ANXA5: variants seen among roughly 807,000 people sequenced by gnomAD.
ANXA5 encodes CBP-I.
ANXA5 carries 40 observed loss-of-function variants against 48.1 expected under a neutral mutation model. The ratio of observed to expected loss-of-function variants is 0.83; its 90% CI spans 0.65 to 1.08. The LOEUF (loss-of-function observed/expected upper bound fraction) is 1.08. Ranked by LOEUF, ANXA5 falls within the 50% of genes least tolerant of loss-of-function variation. ANXA5 has a pLI of 0.00. For missense variants in ANXA5, 357 were observed against 376.8 expected (o/e 0.95, Z 0.44); for synonymous variants, 113 against 129.1 (o/e 0.88, Z 0.85).
At chr4:121,685,019 A>G (rs1343239349) in intron 3 of ANXA5, among the ~76,000 whole-genome samples, 1 of 140,030 alleles carries the variant, frequency 7.1e-6, no homozygotes, top group Non-Finnish European at 1.5e-5. Context: ...CATCTCTTAG[A>G]AAAAAAAAAA....
In ANXA5 at chr4:121,684,747, G is replaced by C. The variant is rs761869455; in HGVS notation, c.119C>G (p.Thr40Ser). 10 of 1,613,856 alleles carry C rather than the reference G, an allele frequency of 6.2e-6. No homozygotes were observed. Among genetic ancestry groups the C allele is most frequent in the East Asian group, 2.2e-5 (1 of 44,890 alleles). The change falls in exon 4 of 13, where the codon ACT becomes AGT. Residue 40 changes from threonine to serine, a missense_variant. Transcript: ENST00000296511. ...GLGTDEESIL[T>S]LLTSRSNAQR... Reference sequence around the variant, plus strand: ...AGCATTACTTCGGGATGTCAACAGAGTCAGGATGCTCTCCTCATCTGTGCC... The same window carrying C: ...AGCATTACTTCGGGATGTCAACAGACTCAGGATGCTCTCCTCATCTGTGCC...
rs566485727 is a variant in ANXA5, at chr4:121,696,882, T to G, written c.-55A>C. Reference sequence around the variant, plus strand: ...ACTCACCCAGACTGTGGGACCCAAGTGCCCCGAAACCCCGGGAGAGCGGCG... The same window carrying G: ...ACTCACCCAGACTGTGGGACCCAAGGGCCCCGAAACCCCGGGAGAGCGGCG... On this transcript the variant is annotated 5_prime_UTR_variant, in exon 1 of 13. Transcript: ENST00000296511. 223 of 310,972 alleles carry G rather than the reference T, an allele frequency of 7.2e-4. No homozygotes were observed. Among genetic ancestry groups the G allele is most frequent in the Non-Finnish European group, 1.1e-3 (194 of 170,804 alleles). 19.3% of individuals were successfully genotyped at this position (310,972 alleles called of 1,614,324 possible).
At position 121,686,386 on chromosome 4, in the gene ANXA5, C is replaced by T; in HGVS notation, c.10-14G>A. The T allele has an allele frequency of 1.9e-6, 3 of 1,601,140 alleles. No homozygotes were observed. The highest frequency in any genetic ancestry group is 2.6e-6 in the Non-Finnish European group (3 of 1,168,286). ...GCCTCTGAGAACCTAATTCACGAAA[C>T]ACAGTGGTATTATTCATATCATGAC... On this transcript the variant is annotated splice_polypyrimidine_tract_variant and intron_variant, in intron 2 of 12. Transcript: ENST00000296511.
chr4:121,669,280 C>G (rs12510548), intron 12 of ANXA5: 89,647 of 215,942 alleles, frequency 0.42, 21,265 homozygotes, highest in East Asian at 0.71. Context: ...CTAATAAAGA[C>G]AGCTGGAATT....
intron 10 of ANXA5, among the ~76,000 whole-genome samples, 192 bp downstream of exon 10, chr4:121,671,355 A>C (rs1002527436): frequency 6.6e-6 from 1 of 152,216 alleles, no homozygotes; most frequent in African/African-American, 2.4e-5. Flanking sequence ...ATTTAGATGA[A>C]CTAACCAGAC....
Position 121,670,598 on chromosome 4 carries a change from G to A in ANXA5, c.722-586C>T, listed in dbSNP as rs572648882. Among the ~76,000 whole-genome samples the A allele has an allele frequency of 1.5e-3, 227 of 146,972 alleles. 1 individual carries two copies. Among genetic ancestry groups the A allele is most frequent in the Non-Finnish European group, 2.5e-3 (160 of 65,188 alleles). On this transcript the variant is annotated intron_variant, in intron 10 of 12. Transcript: ENST00000296511. The stretch of plus-strand genomic sequence containing the variant: ...GTTGAATGTAGGTTGGGGCTGCTCA[G>A]ACCTCAGTCTGCTTAGCTTCAGAAA...
intron 2 of ANXA5, among the ~76,000 whole-genome samples, chr4:121,692,852 C>T (rs1725009403): frequency 6.6e-6 from 1 of 152,236 alleles, no homozygotes; most frequent in Non-Finnish European, 1.5e-5. Context: ...CCATTGCGCT[C>T]ATGTTTAACA....
chr4:121,681,650 A>C (rs372127456), intron 6 of ANXA5, 21 bp downstream of exon 6: 1 of 1,566,424 alleles, frequency 6.4e-7, no homozygotes, highest in African/African-American at 1.4e-5. Flanking sequence ...TGAAGTCAAA[A>C]TATAACTCAC....
chr4:121,685,537 G>C (rs1311192205), intron 3 of ANXA5, among the ~76,000 whole-genome samples: 1 of 152,168 alleles, frequency 6.6e-6, no homozygotes, highest in East Asian at 1.9e-4. Flanking sequence ...CAGGATGGTT[G>C]GGTCTGAGAA....
chr4:121,681,535 A>G, intron 6 of ANXA5, 136 bp downstream of exon 6: 1 of 575,818 alleles, frequency 1.7e-6, no homozygotes, highest in Non-Finnish European at 3.1e-6. Flanking sequence ...CTTGAATTGC[A>G]GGTCATTCAT....
intron 8 of ANXA5, among the ~76,000 whole-genome samples, chr4:121,673,725 C>A (rs1322314407): frequency 6.6e-6 from 1 of 151,960 alleles, no homozygotes; most frequent in Non-Finnish European, 1.5e-5. Context: ...GCTCTTAAAA[C>A]CTGAAAAGAC....
chr4:121,679,509 G>A (rs4833229), intron 6 of ANXA5, among the ~76,000 whole-genome samples: 60,053 of 151,924 alleles, frequency 0.4, 14,132 homozygotes, highest in East Asian at 0.69. Flanking sequence ...TGTGAATTAA[G>A]TCCAAATTCC....
intron 8 of ANXA5, among the ~76,000 whole-genome samples, chr4:121,677,359 G>A (rs761020973): frequency 1.3e-5 from 2 of 152,010 alleles, no homozygotes; most frequent in Non-Finnish European, 2.9e-5. Flanking sequence ...AGACTTTATA[G>A]GGGTTTATAA....
chr4:121,676,302 G>A (rs1362872402), intron 8 of ANXA5, among the ~76,000 whole-genome samples: 1 of 152,122 alleles, frequency 6.6e-6, no homozygotes, highest in Non-Finnish European at 1.5e-5. Context: ...GAGAAAATCA[G>A]GGAAGGCACT....
intron 2 of ANXA5, among the ~76,000 whole-genome samples, chr4:121,686,573 T>C (rs17449954): frequency 0.047 from 7,195 of 152,266 alleles, 204 homozygotes; most frequent in South Asian, 0.12. Context: ...ACAGAAGCTA[T>C]CCTGATCACC....
intron 4 of ANXA5, among the ~76,000 whole-genome samples, chr4:121,683,837 AG>A (rs1270515981): frequency 6.6e-6 from 1 of 152,200 alleles, no homozygotes; most frequent in African/African-American, 2.4e-5. Flanking sequence ...AAATTTACAA[AG>A]GACAACATTT....
intron 4 of ANXA5, 104 bp from the exon 5 acceptor site, chr4:121,683,581 T>C (rs547613641): frequency 1.6e-6 from 1 of 631,962 alleles, no homozygotes; most frequent in East Asian, 2.9e-5. Context: ...TTTATGTTGC[T>C]GTCTCCAAGT....
intron 2 of ANXA5, among the ~76,000 whole-genome samples, chr4:121,690,086 T>C (rs1724956149): frequency 1.3e-5 from 2 of 152,196 alleles, no homozygotes; most frequent in Non-Finnish European, 2.9e-5. Context: ...GAGTGGCAGC[T>C]AGTATCTGCT....
chr4:121,692,850 C>T (rs1411815379), intron 2 of ANXA5, among the ~76,000 whole-genome samples: 1 of 152,206 alleles, frequency 6.6e-6, no homozygotes, highest in Non-Finnish European at 1.5e-5. Context: ...TCCCATTGCG[C>T]TCATGTTTAA....
Sources: allele counts gnomAD v4.1 joint callset (sites outside exome capture counted in the v4.1 genomes callset), GRCh38; gene constraint gnomAD v4.1.1; transcripts MANE v1.5; gene names NCBI Gene and HGNC (gene_info 2026-07-23, HGNC 2026-07-21).